Variants in ARMC1 observed in about 807,000 individuals in gnomAD.
ARMC1 encodes the protein armadillo repeat-containing protein 1.
In ARMC1, 16 loss-of-function variants were observed where a neutral mutation model predicts 31.4. That is an observed-to-expected ratio of 0.51 (90% CI 0.34 to 0.77). The LOEUF (loss-of-function observed/expected upper bound fraction) is 0.77, where lower values mean the gene tolerates loss of function less well. Among genes scored for constraint, ARMC1 ranks in the 30% least tolerant of loss-of-function variants. The probability of loss-of-function intolerance (pLI) is 0.01; values close to 1 mark genes in which losing one functional copy is unlikely to be tolerated. For synonymous variants in ARMC1, 114 were observed against 118.9 expected (o/e 0.96, Z 0.27); for missense variants, 259 against 347.5 (o/e 0.75, Z 2.02).
chr8:65,626,683 G>A (rs1241302264), intron 2 of ARMC1, among the ~76,000 whole-genome samples: 4 of 151,992 alleles, frequency 2.6e-5, no homozygotes, highest in African/African-American at 7.2e-5. Context: ...AAAAGGAAGT[G>A]GTAGGACATT....
intron 3 of ARMC1, among the ~76,000 whole-genome samples, chr8:65,619,543 A>G (rs1808347310): frequency 6.9e-6 from 1 of 145,472 alleles, no homozygotes; most frequent in Non-Finnish European, 1.5e-5. Context: ...TCTCAAAAAG[A>G]AAAAAAAAGA....
chr8:65,605,548 T>C lies in ARMC1; in HGVS notation c.466-10A>G. 1 of 1,560,414 alleles carries C rather than the reference T, an allele frequency of 6.4e-7. No individual in the cohort carries two copies. Among genetic ancestry groups the C allele is most frequent in the Non-Finnish European group, 8.8e-7 (1 of 1,131,574 alleles). Reference sequence around the variant, plus strand: ...ATAGATTTCTCCGAGACTGAAAAAGTAAAAGCAAATTGTTATGAAAATAGG... The same window carrying C: ...ATAGATTTCTCCGAGACTGAAAAAGCAAAAGCAAATTGTTATGAAAATAGG... On this transcript the variant is annotated splice_polypyrimidine_tract_variant and intron_variant, in intron 4 of 6. Coordinates refer to ENST00000276569, the MANE Select transcript of ARMC1 (RefSeq NM_018120.6).
At position 65,604,418 on chromosome 8, in the gene ARMC1, A is replaced by G; in HGVS notation, c.825T>C (p.Phe275=). Residue 275 remains phenylalanine (F), a synonymous_variant, in exon 7 of 7, where the codon TTT becomes TTC. Coordinates refer to ENST00000276569, the MANE Select transcript of ARMC1 (RefSeq NM_018120.6). ...GASWLSTAAN[F]LSRSFYW is the part of the protein sequence containing the mutation. ...GTCACCAATAAAATGATCTGGATAA[A>G]AAGTTTGCAGCTGTGCTAAGCCAGC... 4.3e-6 allele frequency: 7 copies of G among 1,614,114 alleles called. No individual in the cohort carries two copies. The highest frequency in any genetic ancestry group is 5.9e-6 in the Non-Finnish European group (7 of 1,180,018).
chr8:65,620,642 T>C (rs913882439), intron 3 of ARMC1, among the ~76,000 whole-genome samples: 4 of 151,958 alleles, frequency 2.6e-5, no homozygotes, highest in African/African-American at 9.7e-5. Context: ...TTGATTACCA[T>C]ACTAGACCCG....
chr8:65,616,232 G>T (rs1808252733), intron 3 of ARMC1, among the ~76,000 whole-genome samples: 2 of 152,252 alleles, frequency 1.3e-5, no homozygotes, highest in South Asian at 4.1e-4. Flanking sequence ...CAACCTCCCT[G>T]CCTGATTCTC....
Position 65,622,316 on chromosome 8 carries a change from TTC to T in ARMC1, c.220_221del (p.Glu74LysfsTer31), listed in dbSNP as rs1290816899. ...TCATACCCAGTTCTCCTTTCATCTTTTCTCTGTTTGCACGGCATTCTGCCAAG... is the reference window on the plus strand; with the variant it reads ...TCATACCCAGTTCTCCTTTCATCTTTTCTGTTTGCACGGCATTCTGCCAAG... ...RYLAECRANR[E>X]KMKGELGMML... is the part of the protein sequence containing the mutation. On this transcript the variant is annotated frameshift_variant, in exon 3 of 7. Coordinates refer to ENST00000276569, the MANE Select transcript of ARMC1 (RefSeq NM_018120.6). LOFTEE classifies it high-confidence loss of function. The T allele has an allele frequency of 1.5e-5, 25 of 1,614,060 alleles. No homozygotes were observed. The highest frequency in any genetic ancestry group is 2.0e-5 in the Non-Finnish European group (24 of 1,180,014).
intron 3 of ARMC1, among the ~76,000 whole-genome samples, chr8:65,618,490 A>C: frequency 6.7e-6 from 1 of 149,186 alleles, no homozygotes; most frequent in Non-Finnish European, 1.5e-5. Flanking sequence ...CCACTGCATT[A>C]CAGCCTGGGT....
At chr8:65,627,186 C>T in intron 2 of ARMC1, 30 bp downstream of exon 2, 1 of 1,517,258 alleles carries the variant, frequency 6.6e-7, no homozygotes, top group East Asian at 2.3e-5. Context: ...AAAAATAGAA[C>T]AGAGATTGAA....
In ARMC1 at chr8:65,604,469, G is replaced by T; in HGVS notation, c.774C>A (p.Val258=). Residue 258 remains valine (V), a synonymous_variant, in exon 7 of 7, where the codon GTC becomes GTA. Coordinates refer to ENST00000276569, the MANE Select transcript of ARMC1 (RefSeq NM_018120.6). ...TAGCTCCACCTTCTGGGTGTGAGCCGACCCGGGACACCGCTTTGTCCTGTT... is the reference window on the plus strand; with the variant it reads ...TAGCTCCACCTTCTGGGTGTGAGCCTACCCGGGACACCGCTTTGTCCTGTT... The part of the protein sequence containing the change: ...TKEQDKAVSR[V]GSHPEGGASW... 6.2e-7 allele frequency: 1 copy of T among 1,614,144 alleles called. No homozygotes were observed. The highest frequency in any genetic ancestry group is 8.5e-7 in the Non-Finnish European group (1 of 1,180,022).
At chr8:65,616,442 G>A (rs11776712) in intron 3 of ARMC1, among the ~76,000 whole-genome samples, 1 of 151,980 alleles carries the variant, frequency 6.6e-6, no homozygotes, top group Non-Finnish European at 1.5e-5. Flanking sequence ...GTGCTCAATG[G>A]TGCCCAGGCT....
At chr8:65,626,568 C>T (rs1384401808) in intron 2 of ARMC1, among the ~76,000 whole-genome samples, 7 of 151,706 alleles carry the variant, frequency 4.6e-5, no homozygotes, top group South Asian at 2.1e-4. Flanking sequence ...TTATATGATG[C>T]TGTGTGCTTA....
At chr8:65,630,408 A>G (rs1808616315) in intron 1 of ARMC1, among the ~76,000 whole-genome samples, 2 of 152,230 alleles carry the variant, frequency 1.3e-5, no homozygotes, top group Admixed American at 6.5e-5. Flanking sequence ...TTGAAACTGA[A>G]GAGTTCCATT....
At chr8:65,607,279 T>C (rs577725170) in intron 4 of ARMC1, among the ~76,000 whole-genome samples, 41 of 152,370 alleles carry the variant, frequency 2.7e-4, no homozygotes, top group Admixed American at 2.1e-3. Flanking sequence ...AATAGCACCA[T>C]GTTTATCTCT....
At chr8:65,625,887 C>CTT (rs1318215282) in intron 2 of ARMC1, among the ~76,000 whole-genome samples, 24 of 141,672 alleles carry the variant, frequency 1.7e-4, no homozygotes, top group Non-Finnish European at 2.3e-4. Context: ...TTTTTAACAA[C>CTT]TTTTTTTTTT....
At position 65,622,694 on chromosome 8, in the gene ARMC1, CAG is replaced by C. The variant is rs1808419056; in HGVS notation, c.184-342_184-341del. ...CGCCATTGCACTCCAACCTGAATGACAGAGTTACTGTGCCTCAAAAGAAAAAA... is the reference window on the plus strand; with the variant it reads ...CGCCATTGCACTCCAACCTGAATGACAGTTACTGTGCCTCAAAAGAAAAAA... On this transcript the variant is annotated intron_variant, in intron 2 of 6. Coordinates refer to ENST00000276569, the MANE Select transcript of ARMC1 (RefSeq NM_018120.6). Among the ~76,000 whole-genome samples the C allele has an allele frequency of 2.1e-5, 3 of 146,002 alleles. No individual in the cohort carries two copies. In the South Asian group the frequency reaches 6.7e-4, roughly 33 times the overall value.
At chr8:65,622,460 G>A in intron 2 of ARMC1, 106 bp from the exon 3 acceptor site, 2 of 830,440 alleles carry the variant, frequency 2.4e-6, no homozygotes, top group Non-Finnish European at 3.8e-6. Context: ...ATAGGTTTTT[G>A]TTTTTAGAAT....
At chr8:65,610,218 C>T (rs1808103102) in intron 4 of ARMC1, among the ~76,000 whole-genome samples, 1 of 152,008 alleles carries the variant, frequency 6.6e-6, no homozygotes, top group Non-Finnish European at 1.5e-5. Context: ...CTGACTCAAC[C>T]TCCTGAGTAG....
intron 3 of ARMC1, among the ~76,000 whole-genome samples, chr8:65,614,085 T>G (rs778592086): frequency 6.6e-6 from 1 of 152,212 alleles, no homozygotes; most frequent in African/African-American, 2.4e-5. Context: ...TACCTTGACT[T>G]TTAAGAAAAT....
At chr8:65,629,453 ATAAG>A (rs1422984836) in intron 1 of ARMC1, among the ~76,000 whole-genome samples, 1 of 152,190 alleles carries the variant, frequency 6.6e-6, no homozygotes, top group Non-Finnish European at 1.5e-5. Context: ...CGTAGTAGGA[ATAAG>A]TGAGGGTTTT....
Sources: gnomAD v4.1 joint callset for allele counts (sites outside exome capture counted in the v4.1 genomes callset) on GRCh38, gnomAD v4.1.1 for gene constraint, MANE v1.5 for transcripts, NCBI Gene and HGNC (gene_info 2026-07-23, HGNC 2026-07-21) for gene names.